RAPGEF5: variants seen among roughly 807,000 people sequenced by gnomAD.
RAPGEF5 encodes Rap guanine nucleotide exchange factor 5.
A neutral mutation model predicts 125.2 loss-of-function variants in RAPGEF5; 65 were observed. The ratio of observed to expected loss-of-function variants is 0.52; its 90% confidence interval spans 0.43 to 0.64. The LOEUF (loss-of-function observed/expected upper bound fraction) is 0.64. RAPGEF5 is among the 30% of genes least tolerant of loss of function. The pLI, the probability that RAPGEF5 is intolerant of heterozygous loss-of-function variation, is 0.00. For synonymous variants in RAPGEF5, 391 were observed against 385.9 expected (o/e 1.01, Z -0.16); for missense variants, 958 against 1,048.1 (o/e 0.91, Z 1.19).
chr7:22,149,953 T>C (rs1193767678), intron 18 of RAPGEF5, among the ~76,000 whole-genome samples: 2 of 151,678 alleles, frequency 1.3e-5, no homozygotes, highest in East Asian at 3.9e-4. Flanking sequence ...TTTTGATTTT[T>C]TGATTTGTAA....
At chr7:22,345,706 T>TC (rs200113190) in intron 1 of RAPGEF5, among the ~76,000 whole-genome samples, 24,427 of 147,302 alleles carry the variant, frequency 0.17, 2,229 homozygotes, top group East Asian at 0.22. Context: ...CTTTTTTTTT[T>TC]TTTTTTTTTT....
intron 11 of RAPGEF5, among the ~76,000 whole-genome samples, chr7:22,183,120 A>G (rs1230279987): frequency 6.6e-6 from 1 of 151,956 alleles, no homozygotes; most frequent in Non-Finnish European, 1.5e-5. Flanking sequence ...TAAAAATACA[A>G]AAATTGGGCA....
chr7:22,162,654 G>T, intron 12 of RAPGEF5, 113 bp from the exon 13 acceptor site: 1 of 1,062,174 alleles, frequency 9.4e-7, no homozygotes, highest in Non-Finnish European at 1.4e-6. Context: ...AAACATGCAG[G>T]AAGAATAGAA....
chr7:22,310,426 C>T (rs1396294094), intron 3 of RAPGEF5, among the ~76,000 whole-genome samples: 2 of 152,164 alleles, frequency 1.3e-5, no homozygotes, highest in Admixed American at 1.3e-4. Context: ...TAATTCCCAA[C>T]AATTAGAACA....
intron 6 of RAPGEF5, among the ~76,000 whole-genome samples, chr7:22,277,373 A>G (rs1782581059): frequency 6.6e-6 from 1 of 152,222 alleles, no homozygotes; most frequent in Non-Finnish European, 1.5e-5. Flanking sequence ...GTATTTAACA[A>G]GAAATGTGCA....
At chr7:22,287,693 G>T (rs1327529798) in intron 6 of RAPGEF5, among the ~76,000 whole-genome samples, 1 of 152,120 alleles carries the variant, frequency 6.6e-6, no homozygotes, top group African/African-American at 2.4e-5. Flanking sequence ...AGTGATATAG[G>T]TAAATATCTT....
intron 7 of RAPGEF5, among the ~76,000 whole-genome samples, chr7:22,259,879 T>C (rs939225261): frequency 1.3e-5 from 2 of 152,212 alleles, no homozygotes; most frequent in African/African-American, 4.8e-5. Flanking sequence ...ATTACAGGCG[T>C]GAGCCACCAC....
chr7:22,251,358 A>C (rs1160635825), intron 7 of RAPGEF5, among the ~76,000 whole-genome samples: 62 of 152,192 alleles, frequency 4.1e-4, no homozygotes, highest in Admixed American at 4.1e-3. Context: ...ACAGCGTTAT[A>C]AGTGGATGCA....
At chr7:22,286,825 CA>C (rs1446888658) in intron 6 of RAPGEF5, among the ~76,000 whole-genome samples, 1 of 152,180 alleles carries the variant, frequency 6.6e-6, no homozygotes, top group Non-Finnish European at 1.5e-5. Flanking sequence ...CTATTTGTCA[CA>C]AACACTGGAA....
At chr7:22,257,764 T>C (rs1376318207) in intron 7 of RAPGEF5, among the ~76,000 whole-genome samples, 1 of 152,238 alleles carries the variant, frequency 6.6e-6, no homozygotes, top group Non-Finnish European at 1.5e-5. Flanking sequence ...GTTTCCCAAA[T>C]GTATTGTAGT....
chr7:22,181,247 A>G (rs1274842415), intron 11 of RAPGEF5, among the ~76,000 whole-genome samples: 1 of 152,214 alleles, frequency 6.6e-6, no homozygotes, highest in Non-Finnish European at 1.5e-5. Flanking sequence ...ACTTAGGGGG[A>G]AAAAGCTTAC....
chr7:22,308,550 A>G (rs1235365829), intron 4 of RAPGEF5, 43 bp from the exon 5 acceptor site: 1 of 1,389,186 alleles, frequency 7.2e-7, no homozygotes, highest in Non-Finnish European at 9.6e-7. Context: ...TTTAAAAGAT[A>G]TTACTCAGAG....
chr7:22,212,150 T>C (rs1166090795), intron 9 of RAPGEF5, among the ~76,000 whole-genome samples: 1 of 152,082 alleles, frequency 6.6e-6, no homozygotes, highest in Non-Finnish European at 1.5e-5. Flanking sequence ...ATTTTTTGTA[T>C]TTTTAGTACA....
chr7:22,310,729 G>T (rs576568369), intron 3 of RAPGEF5, among the ~76,000 whole-genome samples: 2 of 152,220 alleles, frequency 1.3e-5, no homozygotes, highest in African/African-American at 4.8e-5. Flanking sequence ...AAATTTGATT[G>T]TTAATCTTTT....
intron 8 of RAPGEF5, among the ~76,000 whole-genome samples, chr7:22,221,345 T>C (rs11771205): frequency 0.11 from 16,195 of 152,256 alleles, 921 homozygotes; most frequent in East Asian, 0.2. Flanking sequence ...TTAACTTCAA[T>C]CTGTGAGGAC....
intron 3 of RAPGEF5, among the ~76,000 whole-genome samples, chr7:22,312,981 C>T (rs900226789): frequency 6.6e-6 from 1 of 152,172 alleles, no homozygotes; most frequent in African/African-American, 2.4e-5. Flanking sequence ...ACAATCTAAA[C>T]ACAGACAGCA....
At chr7:22,280,447 T>C (rs1019967997) in intron 6 of RAPGEF5, among the ~76,000 whole-genome samples, 3 of 152,072 alleles carry the variant, frequency 2.0e-5, no homozygotes, top group Non-Finnish European at 2.9e-5. Flanking sequence ...AGGAGATGCT[T>C]TGAAGTGGAT....
intron 8 of RAPGEF5, among the ~76,000 whole-genome samples, chr7:22,224,306 A>C (rs912985142): frequency 6.6e-6 from 1 of 152,228 alleles, no homozygotes; most frequent in Non-Finnish European, 1.5e-5. Flanking sequence ...AGGGTAAAAA[A>C]GTTTCAATGG....
At position 22,230,879 on chromosome 7, in the gene RAPGEF5, A is replaced by T; in HGVS notation, c.837T>A (p.Ala279=). 1 of 1,566,646 alleles carries T rather than the reference A, an allele frequency of 6.4e-7. No homozygotes were observed. The highest frequency in any genetic ancestry group is 8.7e-7 in the Non-Finnish European group (1 of 1,153,624). ...CTGGAACACTTTCGGCTTCTGTTAC[A>T]GCTACATGTTTGTCGTTGTTTTCTT... ...QDEENNDKHV[A]VTEAESVPDS... is the part of the protein sequence containing the mutation. Residue 279 remains alanine (A), a synonymous_variant, in exon 8 of 26, where the codon GCT becomes GCA. Transcript: ENST00000665637.
Sources: allele counts gnomAD v4.1 joint callset (sites outside exome capture counted in the v4.1 genomes callset), GRCh38; gene constraint gnomAD v4.1.1; transcripts MANE v1.5; gene names NCBI Gene and HGNC (gene_info 2026-07-23, HGNC 2026-07-21).